Variants in DNAJC21 observed in about 807,000 individuals in gnomAD.
The protein encoded by DNAJC21 is dnaJ homolog subfamily C member 21.
DNAJC21 carries 63 observed loss-of-function variants against 72.4 expected under a neutral mutation model. The ratio of observed to expected loss-of-function variants is 0.87; its 90% CI spans 0.71 to 1.07. The LOEUF is 1.07. Ranked by LOEUF, DNAJC21 falls within the 50% of genes least tolerant of loss-of-function variation. DNAJC21 has a pLI of 0.00. For missense variants in DNAJC21, 634 were observed against 644.8 expected, an observed-to-expected ratio of 0.98 and a Z score of 0.18; for synonymous variants, 203 against 216.7, an observed-to-expected ratio of 0.94 and a Z score of 0.56.
chr5:34,939,278 A>G (rs1454918996), intron 6 of DNAJC21, among the ~76,000 whole-genome samples: 2 of 146,734 alleles, frequency 1.4e-5, no homozygotes, highest in Admixed American at 6.8e-5. Context: ...TTTTTTTTTG[A>G]GACGGAGTCT....
chr5:34,955,110 A>G lies in DNAJC21; in HGVS notation c.*396A>G, dbSNP rs1765497737. The G allele has an allele frequency of 6.5e-6, 1 of 153,574 alleles. No individual in the cohort carries two copies. The highest frequency in any genetic ancestry group is 1.5e-5 in the Non-Finnish European group (1 of 68,752). 9.5% of individuals were successfully genotyped at this position (153,574 alleles called of 1,614,324 possible). ...CTTTTGTGTTTTGTTAATACTTCAT[A>G]ATATGTGAAAAACTCGGATCTTTTA... On this transcript the variant is annotated 3_prime_UTR_variant, in exon 12 of 12. Transcript: ENST00000648817.
intron 10 of DNAJC21, 95 bp downstream of exon 10, chr5:34,950,437 T>G (rs1765324904): frequency 6.8e-7 from 1 of 1,477,906 alleles, no homozygotes; most frequent in Non-Finnish European, 9.0e-7. Flanking sequence ...TTCCCATGAC[T>G]GACCAGGTAA....
chr5:34,949,783 G>T, intron 9 of DNAJC21: 1 of 1,529,182 alleles, frequency 6.5e-7, no homozygotes. Context: ...TTATCATTTG[G>T]AATATGGAAA....
Position 34,936,218 on chromosome 5 carries a change from G to C in DNAJC21, c.390G>C (p.Glu130Asp), listed in dbSNP as rs199557304. ...KEELESVLEE[E>D]VDDFPTFGDS... ...AACTAGAATCTGTGTTAGAGGAAGA[G>C]GTTGATGATTTCCCAACTTTTGGAG... The change falls in exon 4 of 12, where the codon GAG becomes GAC. Residue 130 changes from glutamate (E) to aspartate (D), a missense_variant. By Grantham distance (45) the Glu-to-Asp change is conservative. Coordinates refer to ENST00000648817, the MANE Select transcript of DNAJC21 (RefSeq NM_001012339.3). 90 of 1,614,050 alleles carry C rather than the reference G, an allele frequency of 5.6e-5. No individual in the cohort carries two copies. In the East Asian group the frequency reaches 2.0e-3, roughly 35 times the overall value.
chr5:34,950,371 A>G (rs1304631221), intron 10 of DNAJC21, 29 bp downstream of exon 10: 5 of 1,596,458 alleles, frequency 3.1e-6, no homozygotes, highest in Admixed American at 1.7e-5. Context: ...TTATTTGTAA[A>G]TTACTGAATA....
intron 10 of DNAJC21, chr5:34,951,479 C>T: frequency 1.0e-6 from 1 of 985,342 alleles, no homozygotes; most frequent in Non-Finnish European, 1.2e-6. Flanking sequence ...GGGCTCTGGG[C>T]CCCTGAACCC....
At chr5:34,941,714 A>G (rs966906911) in intron 7 of DNAJC21, among the ~76,000 whole-genome samples, 4 of 151,712 alleles carry the variant, frequency 2.6e-5, no homozygotes, top group Non-Finnish European at 4.4e-5. Context: ...CTACAGATGC[A>G]GGTCACCGCA....
intron 10 of DNAJC21, chr5:34,951,096 C>T (rs570425671): frequency 1.4e-5 from 14 of 985,432 alleles, no homozygotes; most frequent in Middle Eastern, 5.2e-4. Context: ...AGTGTGTGTA[C>T]TTCGGAGTTT....
chr5:34,951,289 G>A, intron 10 of DNAJC21: 3 of 985,412 alleles, frequency 3.0e-6, no homozygotes, highest in Non-Finnish European at 3.6e-6. Flanking sequence ...CCAGGTGTTT[G>A]TTCCCTTTCT....
rs1764949158 is a variant in DNAJC21, at chr5:34,940,450, C to T, written c.896-646C>T. Among the ~76,000 whole-genome samples the T allele has an allele frequency of 2.6e-5, 4 of 152,018 alleles. No homozygotes were observed. The South Asian group carries it at 8.3e-4, about 31-fold the overall frequency. On this transcript the variant is annotated intron_variant, in intron 6 of 11. Transcript: ENST00000648817. ...AGATACCTTGAGATATTTATTGGTC[C>T]TATAATAAATCCCAAATGACAGTTT...
chr5:34,958,575 G>A lies in DNAJC21; in HGVS notation c.*3861G>A, dbSNP rs1765598827. 1 of 152,138 alleles carries A rather than the reference G, an allele frequency of 6.6e-6. No homozygotes were observed. The highest frequency in any genetic ancestry group is 2.4e-5 in the African/African-American group (1 of 41,424). 9.4% of individuals were successfully genotyped at this position (152,138 alleles called of 1,614,324 possible). On this transcript the variant is annotated 3_prime_UTR_variant, in exon 12 of 12. Transcript: ENST00000648817. ...GATGCATAAAAACATGGCTTCTGTA[G>A]AACAATAGAGACTGTAAAAGAACAA...
rs977208637 is a variant in DNAJC21 at position 34,937,528 on chromosome 5, A to G, written c.641A>G (p.Asp214Gly). The G allele has an allele frequency of 1.2e-6, 2 of 1,614,114 alleles. No individual in the cohort carries two copies. The highest frequency in any genetic ancestry group is 1.7e-6 in the Non-Finnish European group (2 of 1,179,942). Residue 214 changes from aspartate to glycine, a missense_variant, in exon 5 of 12, where the codon GAT becomes GGT. Physicochemically the swap from Asp to Gly is moderately conservative, Grantham distance 94 (BLOSUM62 -1). Transcript: ENST00000648817. The part of the protein sequence containing the change: ...RQLVAFIRKR[D>G]KRVQAHRKLV... ...CTGGTAGCTTTCATTCGTAAAAGAG[A>G]TAAAAGAGTGCAGGCGCATCGAAAA...
rs1187362635 is a variant in DNAJC21, at chr5:34,951,331, G to T, written c.1358+989G>T. ...GGGGAAACTGAATTTCAGGTTAATT[G>T]TCCAAGGACAAAAGCTATTGAGTAG... On this transcript the variant is annotated intron_variant, in intron 10 of 11. Transcript: ENST00000648817. 8 of 985,220 alleles carry T rather than the reference G, an allele frequency of 8.1e-6. No homozygotes were observed. The African/African-American group carries it at 1.4e-4, about 17-fold the overall frequency. 61.0% of individuals were successfully genotyped at this position (985,220 alleles called of 1,614,324 possible).
chr5:34,938,707 C>G lies in DNAJC21; in HGVS notation c.744-151C>G, dbSNP rs1764879295. Reference sequence around the variant, plus strand: ...AGGTAACAGGTTTAAGTGACTTTGCCTTGGTTTTAACTAAGCACAGGTTTT... The same window carrying G: ...AGGTAACAGGTTTAAGTGACTTTGCGTTGGTTTTAACTAAGCACAGGTTTT... On this transcript the variant is annotated intron_variant, in intron 5 of 11. Transcript: ENST00000648817. 6.6e-6 allele frequency: 5 copies of G among 762,666 alleles called. No individual in the cohort carries two copies. In the South Asian group the frequency reaches 2.8e-4, roughly 42 times the overall value. 47.2% of individuals were successfully genotyped at this position (762,666 alleles called of 1,614,324 possible). A position where few individuals can be genotyped will look rare whatever the true frequency, so the allele number is the denominator to read the frequency against.
chr5:34,953,822 T>A, intron 10 of DNAJC21, 104 bp from the exon 11 acceptor site: 1 of 616,894 alleles, frequency 1.6e-6, no homozygotes, highest in African/African-American at 1.9e-5. Context: ...GAATTAACTT[T>A]TAAAGTGCAG....
chr5:34,945,692 CTTTTT>C, intron 8 of DNAJC21, 64 bp from the exon 9 acceptor site: 1 of 1,031,344 alleles, frequency 9.7e-7, no homozygotes, highest in Non-Finnish European at 1.3e-6. Flanking sequence ...AGTGTTTCAA[CTTTTT>C]TTTTTTTCCA....
In DNAJC21 at chr5:34,929,832, T is replaced by C; in HGVS notation, c.13T>C (p.Tyr5His). Residue 5 changes from tyrosine to histidine, a missense_variant, in exon 1 of 12, where the codon TAT becomes CAT. Physicochemically the swap from Tyr to His is moderately conservative, Grantham distance 83. Coordinates refer to ENST00000648817, the MANE Select transcript of DNAJC21 (RefSeq NM_001012339.3). ...GCCCGGTCGGGCGATGAAGTGTCAC[T>C]ATGAGGCGCTGGGGGTGCGGCGCGA... MKCH[Y>H]EALGVRRDAS... is the part of the protein sequence containing the mutation. The C allele has an allele frequency of 6.5e-7, 1 of 1,531,310 alleles. No individual in the cohort carries two copies. Among genetic ancestry groups the C allele is most frequent in the Non-Finnish European group, 8.8e-7 (1 of 1,136,014 alleles). 94.9% of individuals were successfully genotyped at this position (1,531,310 alleles called of 1,614,324 possible). A position where few individuals can be genotyped will look rare whatever the true frequency, so the allele number is the denominator to read the frequency against.
intron 7 of DNAJC21, among the ~76,000 whole-genome samples, chr5:34,943,193 A>C (rs962547660): frequency 6.6e-6 from 1 of 150,486 alleles, no homozygotes; most frequent in Admixed American, 6.6e-5. Flanking sequence ...AATTTTGCCA[A>C]TCAATTATTT....
chr5:34,951,407 C>T, intron 10 of DNAJC21: 2 of 985,466 alleles, frequency 2.0e-6, no homozygotes, highest in Non-Finnish European at 2.4e-6. Flanking sequence ...GCACCCAGAT[C>T]ATCTGACTCC....
Sources: allele counts gnomAD v4.1 joint callset (sites outside exome capture counted in the v4.1 genomes callset), GRCh38; gene constraint gnomAD v4.1.1; transcripts MANE v1.5; gene names NCBI Gene and HGNC (gene_info 2026-07-23, HGNC 2026-07-21).